Variants in SNX14 observed in about 807,000 individuals in gnomAD.
SNX14 encodes the protein sorting nexin 14, also known as sorting nexin-14.
In SNX14, 93 loss-of-function variants were observed where a neutral mutation model predicts 133.8. The ratio of observed to expected loss-of-function variants is 0.70; its 90% CI spans 0.59 to 0.83. SNX14 has a LOEUF of 0.83. Ranked by LOEUF, SNX14 falls within the 40% of genes least tolerant of loss-of-function variation. The pLI is 0.00. For missense variants in SNX14, 945 were observed against 1,094.9 expected (o/e 0.86, Z 1.93); for synonymous variants, 368 against 365.6 (o/e 1.01, Z -0.07).
At chr6:85,548,989 G>A (rs10709190) in intron 8 of SNX14, among the ~76,000 whole-genome samples, 1,070 of 16,252 alleles carry the variant, frequency 0.066, 16 homozygotes, top group African/African-American at 0.34. Context: ...AAAAAAAAAA[G>A]AAAGAAAGAA....
At position 85,511,847 on chromosome 6, in the gene SNX14, T is replaced by G. The variant is rs939438667; in HGVS notation, c.2653+1953A>C. Among the ~76,000 whole-genome samples the G allele has an allele frequency of 3.2e-4, 49 of 152,310 alleles. No individual in the cohort carries two copies. The Middle Eastern group carries it at 0.01, about 32-fold the overall frequency. On this transcript the variant is annotated intron_variant, in intron 26 of 28. Transcript: ENST00000314673. ...ACTGTTTTTTCTTGCCTTTAATATG[T>G]CTTGTAATTTTTTTCTTGATAACTG...
chr6:85,548,198 A>C (rs1430191213), intron 9 of SNX14, 103 bp downstream of exon 9: 9 of 795,208 alleles, frequency 1.1e-5, no homozygotes, highest in African/African-American at 1.8e-5. Flanking sequence ...CAACAATATG[A>C]ATGTTTTCAG....
intron 23 of SNX14, among the ~76,000 whole-genome samples, chr6:85,516,596 A>T (rs2127832167): frequency 6.7e-6 from 1 of 149,736 alleles, no homozygotes; most frequent in Non-Finnish European, 1.5e-5. Context: ...TATAGGCTAT[A>T]TTCTACCCAT....
chr6:85,530,044 A>G (rs1157250633), intron 19 of SNX14, 148 bp downstream of exon 19: 1 of 511,132 alleles, frequency 2.0e-6, no homozygotes, highest in Non-Finnish European at 3.4e-6. Flanking sequence ...TAAACAGTAC[A>G]TTTCCGTTAT....
intron 7 of SNX14, among the ~76,000 whole-genome samples, chr6:85,553,555 C>A (rs1027694136): frequency 6.6e-6 from 1 of 152,034 alleles, no homozygotes; most frequent in Non-Finnish European, 1.5e-5. Context: ...GAGGCCGAGG[C>A]GGACGGATCA....
In SNX14 at chr6:85,514,534, T is replaced by C. The variant is rs765165148; in HGVS notation, c.2364A>G (p.Glu788=). 14 of 1,613,400 alleles carry C rather than the reference T, an allele frequency of 8.7e-6. No individual in the cohort carries two copies. In the Admixed American group the frequency reaches 2.2e-4, roughly 25 times the overall value. The change falls in exon 24 of 29, where the codon GAA becomes GAG. Residue 788 remains glutamate (E), a synonymous_variant. Coordinates refer to ENST00000314673, the MANE Select transcript of SNX14 (RefSeq NM_153816.6). ...CATACATCAGGTAATCATAGACTCCTTCTACAGTCATCACCTCCATAAAAT... is the reference window on the plus strand; with the variant it reads ...CATACATCAGGTAATCATAGACTCCCTCTACAGTCATCACCTCCATAAAAT... ...QNYFMEVMTV[E]GVYDYLMYVG...
intron 14 of SNX14, among the ~76,000 whole-genome samples, chr6:85,542,731 C>T (rs927632706): frequency 2.6e-5 from 4 of 151,926 alleles, no homozygotes; most frequent in Non-Finnish European, 4.4e-5. Flanking sequence ...AATTACATAG[C>T]GAAAAAGAAT....
At chr6:85,523,743 T>A (rs1428213170) in intron 21 of SNX14, among the ~76,000 whole-genome samples, 1 of 149,710 alleles carries the variant, frequency 6.7e-6, no homozygotes, top group Non-Finnish European at 1.5e-5. Context: ...CCAGCCTGGG[T>A]GACAGAGAGA....
intron 7 of SNX14, among the ~76,000 whole-genome samples, chr6:85,554,105 A>C (rs1045420429): frequency 6.6e-6 from 1 of 152,188 alleles, no homozygotes; most frequent in Admixed American, 6.5e-5. Context: ...TTTAATGCCT[A>C]ATCAGTTGGC....
chr6:85,511,854 A>C (rs6910641), intron 26 of SNX14, among the ~76,000 whole-genome samples: 15,706 of 152,062 alleles, frequency 0.1, 1,407 homozygotes, highest in East Asian at 0.27. Context: ...ATGTCTTGTA[A>C]TTTTTTTCTT....
At chr6:85,548,421 A>G (rs908546596) in intron 8 of SNX14, 45 bp from the exon 9 acceptor site, 3 of 1,405,934 alleles carry the variant, frequency 2.1e-6, no homozygotes, top group African/African-American at 2.9e-5. Context: ...AGTGATTTAT[A>G]TTAGTTCTTA....
intron 26 of SNX14, among the ~76,000 whole-genome samples, chr6:85,509,866 C>T (rs1246646510): frequency 6.6e-6 from 1 of 152,154 alleles, no homozygotes; most frequent in Non-Finnish European, 1.5e-5. Flanking sequence ...TTTGCCTTTT[C>T]CAAAACAGCA....
At chr6:85,552,924 C>T (rs1788325626) in intron 7 of SNX14, among the ~76,000 whole-genome samples, 1 of 152,240 alleles carries the variant, frequency 6.6e-6, no homozygotes, top group Admixed American at 6.5e-5. Context: ...TTGAATCCAC[C>T]TGTCACTTGT....
chr6:85,570,063 T>C (rs968912005), intron 4 of SNX14, among the ~76,000 whole-genome samples: 1 of 152,206 alleles, frequency 6.6e-6, no homozygotes, highest in African/African-American at 2.4e-5. Context: ...TTCTCCTCTA[T>C]ACTAATTCTA....
At chr6:85,515,273 A>AC (rs796799305) in intron 23 of SNX14, among the ~76,000 whole-genome samples, 10,548 of 142,962 alleles carry the variant, frequency 0.074, 455 homozygotes, top group African/African-American at 0.14. Context: ...AAAAAAAAAA[A>AC]AAAAAAAAAA....
intron 16 of SNX14, among the ~76,000 whole-genome samples, chr6:85,538,359 A>G (rs1782577409): frequency 6.6e-6 from 1 of 152,152 alleles, no homozygotes; most frequent in African/African-American, 2.4e-5. Context: ...TATTTTTAAA[A>G]TCTCTAGACT....
intron 6 of SNX14, among the ~76,000 whole-genome samples, chr6:85,561,014 A>C (rs1456337907): frequency 6.8e-6 from 1 of 147,452 alleles, no homozygotes; most frequent in Non-Finnish European, 1.5e-5. Context: ...AGCCTGGGTG[A>C]CACAGTGAGA....
intron 14 of SNX14, 130 bp downstream of exon 14, chr6:85,543,052 G>T (rs1365965441): frequency 1.1e-6 from 1 of 922,980 alleles, no homozygotes; most frequent in Non-Finnish European, 1.5e-6. Flanking sequence ...ATAGGCGTGA[G>T]CAACTGTGCC....
chr6:85,528,245 T>C lies in SNX14; in HGVS notation c.1995+17A>G. 1 of 1,546,524 alleles carries C rather than the reference T, an allele frequency of 6.5e-7. No homozygotes were observed. Among genetic ancestry groups the C allele is most frequent in the Non-Finnish European group, 8.9e-7 (1 of 1,123,216 alleles). ...TATGATTAGCAACATTTGGAATTAA[T>C]ACAGTTGATGTTATACCTGTAGATA... is the stretch of plus-strand genomic sequence containing the variant. On this transcript the variant is annotated intron_variant, in intron 20 of 28. Transcript: ENST00000314673.
Sources: gnomAD v4.1 joint callset for allele counts (sites outside exome capture counted in the v4.1 genomes callset) on GRCh38, gnomAD v4.1.1 for gene constraint, MANE v1.5 for transcripts, NCBI Gene and HGNC (gene_info 2026-07-23, HGNC 2026-07-21) for gene names.